Variants in ATP10B observed in about 807,000 individuals in gnomAD.
ATP10B encodes the protein phospholipid-transporting ATPase VB.
In ATP10B, 122 loss-of-function variants were observed where a neutral mutation model predicts 141.2. The ratio of observed to expected loss-of-function variants is 0.86; its 90% CI spans 0.75 to 1.00. ATP10B has a LOEUF of 1.00. Among genes scored for constraint, ATP10B ranks in the 50% least tolerant of loss-of-function variants. The pLI, the probability that ATP10B is intolerant of heterozygous loss-of-function variation, is 0.00. For missense variants in ATP10B, 1,876 were observed against 1,825.3 expected, an observed-to-expected ratio of 1.03 and a Z score of -0.51; for synonymous variants, 685 against 692.0, an observed-to-expected ratio of 0.99 and a Z score of 0.16.
intron 1 of ATP10B, among the ~76,000 whole-genome samples, chr5:160,821,681 T>C (rs1327582601): frequency 6.6e-6 from 1 of 152,016 alleles, no homozygotes; most frequent in East Asian, 1.9e-4. Context: ...CAGAGCAGAA[T>C]AGAGAGCCCA....
chr5:160,883,255 C>G, the ATP10B span, among the ~76,000 whole-genome samples: 16 of 152,112 alleles, frequency 1.1e-4, no homozygotes, highest in African/African-American at 3.1e-4. Context: ...AAATACTGTT[C>G]CCAAGAGTCT....
chr5:160,686,986 C>G (rs541276186), intron 5 of ATP10B: 1 of 985,218 alleles, frequency 1.0e-6, no homozygotes, highest in East Asian at 1.1e-4. Context: ...GCATCTTGCT[C>G]TCTCTTGCCA....
the ATP10B span, among the ~76,000 whole-genome samples, chr5:160,912,654 G>GA: frequency 1.5e-5 from 2 of 133,562 alleles, no homozygotes; most frequent in African/African-American, 5.5e-5. Flanking sequence ...AGAGAAGAGA[G>GA]AAAAAAGAGA....
In ATP10B at chr5:160,620,453, C is replaced by T. The variant is rs1193986649; in HGVS notation, c.2310G>A (p.Arg770=). 3 of 1,614,116 alleles carry T rather than the reference C, an allele frequency of 1.9e-6. No individual in the cohort carries two copies. Among genetic ancestry groups the T allele is most frequent in the African/African-American group, 2.7e-5 (2 of 74,950 alleles). ...GCCTCACAACCACAGACATTCTCTT[C>T]CTGACAGAGTCAAAGCCCAGGGTGC... ...LLCTLGFDSV[R]KRMSVVVRHP... is the part of the protein sequence containing the mutation. The change falls in exon 15 of 26, where the codon AGG becomes AGA. Residue 770 remains arginine (R), a synonymous_variant. Coordinates refer to ENST00000327245, the MANE Select transcript of ATP10B (RefSeq NM_025153.3).
At chr5:160,905,653 A>G in the ATP10B span, among the ~76,000 whole-genome samples, 1 of 152,176 alleles carries the variant, frequency 6.6e-6, no homozygotes, top group South Asian at 2.1e-4. Context: ...GATCATTTAT[A>G]TAAAGCACTC....
intron 8 of ATP10B, among the ~76,000 whole-genome samples, 176 bp downstream of exon 8, chr5:160,648,992 CAAA>C (rs369416034): frequency 8.3e-6 from 1 of 120,432 alleles, no homozygotes; most frequent in Non-Finnish European, 1.8e-5. Flanking sequence ...TATCACTCAG[CAAA>C]AAAAAAAAAA....
chr5:160,668,412 GAA>G (rs1699634339), intron 7 of ATP10B, among the ~76,000 whole-genome samples: 1 of 152,154 alleles, frequency 6.6e-6, no homozygotes, highest in African/African-American at 2.4e-5. Flanking sequence ...TGTTACTGTT[GAA>G]AAGACTTGAA....
At chr5:160,709,637 T>G (rs1765237609) in intron 3 of ATP10B, among the ~76,000 whole-genome samples, 1 of 147,884 alleles carries the variant, frequency 6.8e-6, no homozygotes, top group Non-Finnish European at 1.5e-5. Flanking sequence ...ACTCTAAGTT[T>G]TAGGGTACAT....
At chr5:160,614,543 GGTTCCT>G (rs1757897160) in intron 17 of ATP10B, 2 of 152,210 alleles carry the variant, frequency 1.3e-5, no homozygotes, top group African/African-American at 4.8e-5. Context: ...GCCATCCTCT[GGTTCCT>G]GTTCAAGTGA....
intron 2 of ATP10B, among the ~76,000 whole-genome samples, chr5:160,719,536 G>C (rs768152796): frequency 6.6e-6 from 1 of 152,200 alleles, no homozygotes; most frequent in Non-Finnish European, 1.5e-5. Flanking sequence ...TTGCTGAATG[G>C]TTGCTGAGTT....
the ATP10B span, among the ~76,000 whole-genome samples, chr5:160,867,026 A>T: frequency 6.6e-6 from 1 of 152,064 alleles, no homozygotes; most frequent in African/African-American, 2.4e-5. Flanking sequence ...TCAGATCTAG[A>T]TTTATGTCCT....
chr5:160,796,827 G>A (rs1470304865), intron 1 of ATP10B, among the ~76,000 whole-genome samples: 3 of 152,146 alleles, frequency 2.0e-5, no homozygotes, highest in Non-Finnish European at 4.4e-5. Context: ...GGAATCCAGA[G>A]GAGGGGGAGG....
rs554534354 is a variant in ATP10B at position 160,844,385 on chromosome 5, CTATTCCA to C, written c.-576+7549_-576+7555del. Among the ~76,000 whole-genome samples the C allele has an allele frequency of 9.3e-4, 142 of 152,236 alleles. No individual in the cohort carries two copies. The South Asian group carries it at 0.019, about 20-fold the overall frequency. The stretch of plus-strand genomic sequence containing the variant: ...CACACAAATGAAAATTAACAAATGA[CTATTCCA>C]TGAAGCAACAAAAATGAATCTCATA... On this transcript the variant is annotated intron_variant, in intron 1 of 25. Coordinates refer to ENST00000327245, the MANE Select transcript of ATP10B (RefSeq NM_025153.3).
chr5:160,676,520 G>A (rs1436450794), intron 6 of ATP10B, among the ~76,000 whole-genome samples: 4 of 152,120 alleles, frequency 2.6e-5, no homozygotes, highest in Non-Finnish European at 4.4e-5. Flanking sequence ...TTTAAAGTAC[G>A]TAAGAAGCTT....
intron 1 of ATP10B, among the ~76,000 whole-genome samples, chr5:160,819,345 T>C (rs781622167): frequency 7.9e-5 from 12 of 152,142 alleles, no homozygotes; most frequent in Admixed American, 2.0e-4. Flanking sequence ...TCTTCAAGCA[T>C]GAAGGAGAAA....
intron 6 of ATP10B, among the ~76,000 whole-genome samples, chr5:160,683,042 A>T (rs10054974): frequency 2.5e-5 from 1 of 39,320 alleles, no homozygotes; most frequent in Admixed American, 2.9e-4. Flanking sequence ...CTGTCCCCCA[A>T]AAAAAAAAAA....
intron 6 of ATP10B, among the ~76,000 whole-genome samples, chr5:160,675,953 C>A (rs1358275379): frequency 6.6e-6 from 1 of 152,004 alleles, no homozygotes; most frequent in African/African-American, 2.4e-5. Flanking sequence ...TCTGAGGATG[C>A]CTAGATATAT....
chr5:160,920,875 T>C, the ATP10B span, among the ~76,000 whole-genome samples: 3 of 152,214 alleles, frequency 2.0e-5, no homozygotes, highest in Non-Finnish European at 2.9e-5. Context: ...TTTGAGCAGT[T>C]GGAGTCTAGG....
At position 160,564,400 on chromosome 5, in the gene ATP10B, T is replaced by G. The variant is rs1186291459; in HGVS notation, c.*1053A>C. The G allele has an allele frequency of 6.6e-6, 1 of 152,210 alleles. No individual in the cohort carries two copies. The highest frequency in any genetic ancestry group is 1.5e-5 in the Non-Finnish European group (1 of 68,022). 9.4% of individuals were successfully genotyped at this position (152,210 alleles called of 1,614,324 possible). A position where few individuals can be genotyped will look rare whatever the true frequency, so the allele number is the denominator to read the frequency against. On this transcript the variant is annotated 3_prime_UTR_variant, in exon 26 of 26. Transcript: ENST00000327245. ...CCTTCTTTTCCCTGTGAAGTGACAC[T>G]TGCTCTGACTCTAACTGATGCAGGC...
Sources: gnomAD v4.1 joint callset for allele counts (sites outside exome capture counted in the v4.1 genomes callset) on GRCh38, gnomAD v4.1.1 for gene constraint, MANE v1.5 for transcripts, NCBI Gene and HGNC (gene_info 2026-07-23, HGNC 2026-07-21) for gene names.